The following SERGEF variants were observed in gnomAD, a reference collection of about 807,000 sequenced individuals.
The protein encoded by SERGEF is secretion-regulating guanine nucleotide exchange factor.
A neutral mutation model predicts 50.0 loss-of-function variants in SERGEF; 51 were observed. The observed-to-expected ratio is 1.02, with a 90% CI of 0.81 to 1.29. The LOEUF (loss-of-function observed/expected upper bound fraction) is 1.29. Ranked by LOEUF, SERGEF falls within the 50% of genes most tolerant of loss-of-function variation. The pLI, the probability that SERGEF is intolerant of heterozygous loss-of-function variation, is 0.00. For missense variants in SERGEF, 521 were observed against 557.0 expected (o/e 0.94, Z 0.65); for synonymous variants, 205 against 212.4 (o/e 0.97, Z 0.30).
intron 7 of SERGEF, among the ~76,000 whole-genome samples, chr11:17,989,064 A>G (rs571105979): frequency 2.9e-4 from 44 of 152,358 alleles, no homozygotes; most frequent in Non-Finnish European, 2.9e-5. Flanking sequence ...TGTATGAGAC[A>G]CATTTCTCTA....
At chr11:17,794,936 C>T (rs144739764) in intron 10 of SERGEF, among the ~76,000 whole-genome samples, 1 of 152,224 alleles carries the variant, frequency 6.6e-6, no homozygotes, top group Non-Finnish European at 1.5e-5. Context: ...AGAAATCTCC[C>T]TGAGCCCTGT....
At chr11:17,988,025 A>C (rs1853636147) in intron 8 of SERGEF, among the ~76,000 whole-genome samples, 1 of 152,218 alleles carries the variant, frequency 6.6e-6, no homozygotes, top group African/African-American at 2.4e-5. Flanking sequence ...CCTAAGGGAA[A>C]GATGAGAAAT....
At chr11:17,949,439 C>T (rs1268609159) in intron 9 of SERGEF, among the ~76,000 whole-genome samples, 2 of 151,986 alleles carry the variant, frequency 1.3e-5, no homozygotes, top group Non-Finnish European at 2.9e-5. Context: ...TGGAATCAAG[C>T]AGATGGCCTT....
intron 9 of SERGEF, among the ~76,000 whole-genome samples, chr11:17,896,128 T>C (rs1851617098): frequency 6.6e-6 from 1 of 152,222 alleles, no homozygotes; most frequent in Non-Finnish European, 1.5e-5. Context: ...TGAATCTCTT[T>C]AAGACAACTA....
chr11:17,984,583 C>T (rs1312684765), intron 8 of SERGEF, among the ~76,000 whole-genome samples: 1 of 152,174 alleles, frequency 6.6e-6, no homozygotes, highest in Non-Finnish European at 1.5e-5. Flanking sequence ...CACATCCAAA[C>T]TATATCAAGG....
At chr11:17,929,975 C>T (rs998721972) in intron 9 of SERGEF, among the ~76,000 whole-genome samples, 6 of 152,126 alleles carry the variant, frequency 3.9e-5, no homozygotes, top group African/African-American at 7.2e-5. Flanking sequence ...TAGTAGGATT[C>T]GATACATATT....
At chr11:17,889,897 T>C (rs1047735993) in intron 9 of SERGEF, among the ~76,000 whole-genome samples, 10 of 152,070 alleles carry the variant, frequency 6.6e-5, no homozygotes, top group African/African-American at 2.4e-4. Flanking sequence ...TATTTTGGGA[T>C]AGGTATATCC....
intron 9 of SERGEF, among the ~76,000 whole-genome samples, chr11:17,950,352 G>C (rs1352983587): frequency 6.6e-6 from 1 of 152,172 alleles, no homozygotes; most frequent in Non-Finnish European, 1.5e-5. Context: ...TAGAGGCTGG[G>C]TCTTAATCTC....
At chr11:17,985,010 C>A (rs572955941) in intron 8 of SERGEF, among the ~76,000 whole-genome samples, 2 of 152,144 alleles carry the variant, frequency 1.3e-5, no homozygotes, top group Non-Finnish European at 2.9e-5. Flanking sequence ...AATTAGGCCA[C>A]GAAAATCTTC....
intron 8 of SERGEF, among the ~76,000 whole-genome samples, chr11:17,987,505 C>T (rs1056746340): frequency 3.9e-5 from 6 of 152,188 alleles, no homozygotes; most frequent in Admixed American, 2.0e-4. Context: ...AGGAAAGTGA[C>T]GACCTTCCTC....
At chr11:17,834,325 TC>T (rs1268834901) in intron 10 of SERGEF, among the ~76,000 whole-genome samples, 3 of 152,340 alleles carry the variant, frequency 2.0e-5, no homozygotes, top group Admixed American at 1.3e-4. Context: ...TGAGGCTTCC[TC>T]AGTCACATGA....
chr11:17,946,978 C>A (rs1251059189), intron 9 of SERGEF, among the ~76,000 whole-genome samples: 2 of 152,204 alleles, frequency 1.3e-5, no homozygotes, highest in Admixed American at 1.3e-4. Flanking sequence ...CATTCCCTGC[C>A]TAACAGGGTA....
At chr11:17,801,747 C>A (rs1030284127) in intron 10 of SERGEF, among the ~76,000 whole-genome samples, 2 of 152,134 alleles carry the variant, frequency 1.3e-5, no homozygotes, top group Non-Finnish European at 2.9e-5. Context: ...AAACCTGAGA[C>A]CTGGGAAACC....
In SERGEF at chr11:17,799,866, C is replaced by T. The variant is rs79914594; in HGVS notation, c.1049-11453G>A. Among the ~76,000 whole-genome samples, 662 of 152,272 alleles carry T rather than the reference C, an allele frequency of 4.3e-3. 6 individuals carry two copies. The highest frequency in any genetic ancestry group is 0.015 in the African/African-American group (615 of 41,552). ...AATTCAGTTCAATTCATTTTGTACACATCAACTAGGCTCCCACAAAGCCCA... is the reference window on the plus strand; with the variant it reads ...AATTCAGTTCAATTCATTTTGTACATATCAACTAGGCTCCCACAAAGCCCA... On this transcript the variant is annotated intron_variant, in intron 10 of 10. Coordinates refer to ENST00000265965, the MANE Select transcript of SERGEF (RefSeq NM_012139.4).
At position 18,000,556 on chromosome 11, in the gene SERGEF, A is replaced by T. The variant is rs755905229; in HGVS notation, c.449T>A (p.Leu150His). The T allele has an allele frequency of 6.3e-7, 1 of 1,580,376 alleles. No individual in the cohort carries two copies. Among genetic ancestry groups the T allele is most frequent in the Non-Finnish European group, 8.6e-7 (1 of 1,167,702 alleles). ...RRCVVPQAIE[L>H]HKEKVVCIAA... is the part of the protein sequence containing the mutation. ...AATACAAACAACCTTCTCTTTATGG[A>T]GCTGTCAAAATAAAGAAAAGGATTT... Residue 150 changes from leucine (L) to histidine (H), a missense_variant and splice_region_variant, in exon 5 of 11, where the codon CTC becomes CAC. By Grantham distance (99) the Leu-to-His change is moderately conservative. Transcript: ENST00000265965.
chr11:18,010,173 A>G, intron 1 of SERGEF: 2 of 901,240 alleles, frequency 2.2e-6, no homozygotes, highest in Non-Finnish European at 3.1e-6. Flanking sequence ...AATAATTACA[A>G]CAAATACATA....
intron 10 of SERGEF, among the ~76,000 whole-genome samples, chr11:17,864,419 G>A (rs1275860375): frequency 6.6e-6 from 1 of 151,996 alleles, no homozygotes; most frequent in African/African-American, 2.4e-5. Flanking sequence ...TTGATTGAGA[G>A]GTAAAAAGTT....
At chr11:17,867,375 C>A (rs1427102166) in intron 10 of SERGEF, among the ~76,000 whole-genome samples, 2 of 152,236 alleles carry the variant, frequency 1.3e-5, no homozygotes, top group African/African-American at 4.8e-5. Context: ...TCTTAAAGTT[C>A]CAAAATGATC....
chr11:17,841,104 G>A (rs1031976087), intron 10 of SERGEF, among the ~76,000 whole-genome samples: 2 of 152,124 alleles, frequency 1.3e-5, no homozygotes, highest in African/African-American at 4.8e-5. Flanking sequence ...ACAAGGGTGG[G>A]AAGCAAACCA....
Sources: gnomAD v4.1 joint callset for allele counts (sites outside exome capture counted in the v4.1 genomes callset) on GRCh38, gnomAD v4.1.1 for gene constraint, MANE v1.5 for transcripts, NCBI Gene and HGNC (gene_info 2026-07-23, HGNC 2026-07-21) for gene names.